Variants in PCDHGB7 observed in about 807,000 individuals in gnomAD.
PCDHGB7 encodes protocadherin gamma subfamily B, 7.
PCDHGB7 carries 37 observed loss-of-function variants against 61.4 expected under a neutral mutation model. That is an observed-to-expected ratio of 0.60 (90% CI 0.46 to 0.79). The LOEUF (loss-of-function observed/expected upper bound fraction) is 0.79, where lower values mean the gene tolerates loss of function less well. PCDHGB7 is among the 30% of genes least tolerant of loss of function. PCDHGB7 has a pLI of 0.00. For missense variants in PCDHGB7, 1,166 were observed against 1,202.5 expected, an observed-to-expected ratio of 0.97 and a Z score of 0.45; for synonymous variants, 464 against 503.5, an observed-to-expected ratio of 0.92 and a Z score of 1.05.
chr5:141,458,922 G>A (rs747489537), intron 1 of PCDHGB7, among the ~76,000 whole-genome samples: 2 of 151,918 alleles, frequency 1.3e-5, no homozygotes, highest in East Asian at 1.9e-4. Flanking sequence ...TTGTGGAGAC[G>A]GGGTCTCACT....
chr5:141,451,037 C>T (rs1293972996), intron 1 of PCDHGB7, among the ~76,000 whole-genome samples: 1 of 151,594 alleles, frequency 6.6e-6, no homozygotes, highest in Middle Eastern at 3.2e-3. Context: ...ACCATATTGG[C>T]CAGGCTGGTC....
chr5:141,497,217 G>A (rs1046945884), intron 2 of PCDHGB7, among the ~76,000 whole-genome samples: 1 of 152,066 alleles, frequency 6.6e-6, no homozygotes, highest in African/African-American at 2.4e-5. Flanking sequence ...AATGGGGGGG[G>A]GAAGATCAGA....
In PCDHGB7 at chr5:141,476,742, G is replaced by C. The variant is rs1015622831; in HGVS notation, c.2416-18065G>C. 8.7e-6 allele frequency: 14 copies of C among 1,613,936 alleles called. No homozygotes were observed. Among genetic ancestry groups the C allele is most frequent in the Non-Finnish European group, 1.1e-5 (13 of 1,180,032 alleles). On this transcript the variant is annotated intron_variant, in intron 1 of 3. Transcript: ENST00000398594. The surrounding 1 kb of genome is among the most constrained non-coding windows in gnomAD (Gnocchi z 7.6). ...GCCCTGGACCGAGAACGGGAGCCTA[G>C]TCTCCAGTTAGTGCTGACGGCGTTG...
intron 1 of PCDHGB7, chr5:141,442,120 C>G (rs766641164): frequency 6.0e-6 from 1 of 165,340 alleles, no homozygotes; most frequent in Admixed American, 6.5e-5. Flanking sequence ...CCCTCGTCGC[C>G]GACAGCCTGC....
intron 1 of PCDHGB7, chr5:141,422,123 C>A: frequency 6.2e-7 from 1 of 1,601,290 alleles, no homozygotes; most frequent in South Asian, 1.1e-5. Context: ...GATTCACAAA[C>A]TGGAGAAGTT....
Position 141,454,549 on chromosome 5 carries a change from G to A in PCDHGB7, c.2415+34275G>A, listed in dbSNP as rs188623155. ...AGCCTCCCAAGTAGCTGAGATTACA[G>A]GCATGTGCCACCACGCCCGGCTAAT... On this transcript the variant is annotated intron_variant, in intron 1 of 3. Transcript: ENST00000398594. Among the ~76,000 whole-genome samples, 406 of 152,154 alleles carry A rather than the reference G, an allele frequency of 2.7e-3. 2 individuals are homozygous for A. The highest frequency in any genetic ancestry group is 0.021 in the South Asian group (99 of 4,814).
Position 141,418,803 on chromosome 5 carries a change from A to G in PCDHGB7, c.944A>G (p.Tyr315Cys), listed in dbSNP as rs1358411126. ...QPLDFEEVER[Y>C]TINIEAKDRG... is the part of the protein sequence containing the mutation. Reference sequence around the variant, plus strand: ...TTGGATTTTGAAGAAGTAGAAAGATATACGATAAACATAGAAGCAAAAGAC... The same window carrying G: ...TTGGATTTTGAAGAAGTAGAAAGATGTACGATAAACATAGAAGCAAAAGAC... Residue 315 changes from tyrosine (Y) to cysteine (C), a missense_variant, in exon 1 of 4, where the codon TAT becomes TGT. By Grantham distance (194) the Tyr-to-Cys change is radical (BLOSUM62 -2). Transcript: ENST00000398594. 1 of 1,613,894 alleles carries G rather than the reference A, an allele frequency of 6.2e-7. No homozygotes were observed. The highest frequency in any genetic ancestry group is 8.5e-7 in the Non-Finnish European group (1 of 1,179,790).
In PCDHGB7 at chr5:141,511,173, A is replaced by T. The variant is rs1384881403; in HGVS notation, c.2790A>T (p.Ter930TyrextTer31). ...AGTCGGGCAAGAAGGAGAAGAAGTA[A>T]CATGGAGGCCAGGCCAAGAGCCACA... ...KKKSGKKEKK[*>Y] Residue 930 changes from the stop codon to tyrosine, a stop_lost, in exon 4 of 4, where the codon TAA (stop) becomes TAT (tyrosine). Coordinates refer to ENST00000398594, the MANE Select transcript of PCDHGB7 (RefSeq NM_018927.4). 6.2e-7 allele frequency: 1 copy of T among 1,614,132 alleles called. No homozygotes were observed.
At chr5:141,457,555 C>A (rs1425159883) in intron 1 of PCDHGB7, among the ~76,000 whole-genome samples, 2 of 152,168 alleles carry the variant, frequency 1.3e-5, no homozygotes. Context: ...GTATGATAAG[C>A]TTTGGAGCAA....
intron 1 of PCDHGB7, chr5:141,422,152 G>A (rs979405624): frequency 1.3e-5 from 20 of 1,575,764 alleles, no homozygotes; most frequent in Non-Finnish European, 1.5e-5. Flanking sequence ...GGGGTCTCTG[G>A]ATTTTGAAAA....
At position 141,490,258 on chromosome 5, in the gene PCDHGB7, G is replaced by A. The variant is rs776865457; in HGVS notation, c.2416-4549G>A. Reference sequence around the variant, plus strand: ...GGGCCACTGTGTGATTCAAGTGGATGTGGGGGATGTCAATGACAATGCCCC... The same window carrying A: ...GGGCCACTGTGTGATTCAAGTGGATATGGGGGATGTCAATGACAATGCCCC... On this transcript the variant is annotated intron_variant, in intron 1 of 3. Transcript: ENST00000398594. The surrounding 1 kb of genome is among the most constrained non-coding windows in gnomAD (Gnocchi z 5.4). 6.2e-7 allele frequency: 1 copy of A among 1,614,136 alleles called. No homozygotes were observed.
At chr5:141,508,267 C>G (rs993402135) in intron 3 of PCDHGB7, 5 of 152,336 alleles carry the variant, frequency 3.3e-5, no homozygotes, top group African/African-American at 9.6e-5. Context: ...AAGAGAAAAT[C>G]CCGGTCCTTG....
intron 1 of PCDHGB7, among the ~76,000 whole-genome samples, chr5:141,465,041 C>T (rs2099095802): frequency 6.6e-6 from 1 of 151,856 alleles, no homozygotes; most frequent in Non-Finnish European, 1.5e-5. Flanking sequence ...CACAAATGAC[C>T]CTATATATTT....
At chr5:141,458,132 G>C (rs2098938269) in intron 1 of PCDHGB7, among the ~76,000 whole-genome samples, 1 of 152,218 alleles carries the variant, frequency 6.6e-6, no homozygotes, top group South Asian at 2.1e-4. Flanking sequence ...GAACCAGGCA[G>C]AGAAAAATGA....
At chr5:141,481,999 C>T (rs958678555) in intron 1 of PCDHGB7, among the ~76,000 whole-genome samples, 7 of 149,942 alleles carry the variant, frequency 4.7e-5, no homozygotes, top group Admixed American at 2.0e-4. Flanking sequence ...GCAGGAGAAT[C>T]GCTTTATCTC....
At chr5:141,503,517 T>C (rs6878542) in intron 2 of PCDHGB7, among the ~76,000 whole-genome samples, 77,350 of 150,132 alleles carry the variant, frequency 0.52, 20,504 homozygotes, top group African/African-American at 0.63. Flanking sequence ...GAGAATCACT[T>C]GAACCTGGGA....
In PCDHGB7 at chr5:141,432,139, T is replaced by A. The variant is rs950514553; in HGVS notation, c.2415+11865T>A. ...TCCCTCAGGCCTCCTATTCCGCTTA[T>A]ATCCCAGAGAACAATCCCAGAGGAG... is the stretch of plus-strand genomic sequence containing the variant. On this transcript the variant is annotated intron_variant, in intron 1 of 3. Transcript: ENST00000398594. The surrounding 1 kb of genome is among the most constrained non-coding windows in gnomAD (Gnocchi z 6.0). The A allele has an allele frequency of 6.8e-6, 11 of 1,613,976 alleles. No individual in the cohort carries two copies. Among genetic ancestry groups the A allele is most frequent in the Non-Finnish European group, 9.3e-6 (11 of 1,180,032 alleles).
chr5:141,452,010 G>A (rs955708033), intron 1 of PCDHGB7, among the ~76,000 whole-genome samples: 1 of 152,192 alleles, frequency 6.6e-6, no homozygotes, highest in African/African-American at 2.4e-5. Context: ...ACTTGGTCCA[G>A]CCCACACTCT....
rs188117490 is a variant in PCDHGB7 at position 141,507,256 on chromosome 5, C to G, written c.2563+1775C>G. 3 of 152,178 alleles carry G rather than the reference C, an allele frequency of 2.0e-5. No individual in the cohort carries two copies. In the East Asian group the frequency reaches 5.8e-4, roughly 29 times the overall value. The allele number at this position is 152,178 out of a possible 1,614,324, so 9.4% of individuals were successfully genotyped here. ...CAGTTACAGTTGAATGTCAGATAAA[C>G]AGCAAGTACTATTTCAGCATAAGTC... On this transcript the variant is annotated intron_variant, in intron 3 of 3. Coordinates refer to ENST00000398594, the MANE Select transcript of PCDHGB7 (RefSeq NM_018927.4).
Sources: allele counts gnomAD v4.1 joint callset (sites outside exome capture counted in the v4.1 genomes callset), GRCh38; gene constraint gnomAD v4.1.1; non-coding constraint Gnocchi (gnomAD v3.1); transcripts MANE v1.5; gene names NCBI Gene and HGNC (gene_info 2026-07-23, HGNC 2026-07-21).